Variants in EMC2 observed in about 807,000 individuals in gnomAD.
EMC2 encodes the protein ER membrane protein complex subunit 2, also known as TPR repeat protein 35.
EMC2 carries 37 observed loss-of-function variants against 51.6 expected under a neutral mutation model. The ratio of observed to expected loss-of-function variants is 0.72; its 90% CI spans 0.55 to 0.94. The LOEUF (loss-of-function observed/expected upper bound fraction) is 0.94. Ranked by LOEUF, EMC2 falls within the 40% of genes least tolerant of loss-of-function variation. The probability of loss-of-function intolerance (pLI) is 0.00; values close to 1 mark genes in which losing one functional copy is unlikely to be tolerated. For synonymous variants in EMC2, 131 were observed against 112.4 expected (o/e 1.17, Z -1.04); for missense variants, 359 against 350.9 (o/e 1.02, Z -0.18).
intron 1 of EMC2, among the ~76,000 whole-genome samples, chr8:108,448,425 TGAG>T (rs147219611): frequency 0.021 from 3,255 of 152,228 alleles, 101 homozygotes; most frequent in African/African-American, 0.074. Flanking sequence ...TCCCATGTGT[TGAG>T]GAGGAGACCC....
chr8:108,480,411 G>A (rs539100351), intron 10 of EMC2, among the ~76,000 whole-genome samples: 17 of 152,140 alleles, frequency 1.1e-4, no homozygotes, highest in Non-Finnish European at 2.1e-4. Context: ...TTCTATGGCC[G>A]TCTCCTTTTT....
At position 108,488,358 on chromosome 8, in the gene EMC2, C is replaced by CTAAA. The variant is rs1485833360; in HGVS notation, c.*1760_*1761insTAAA. On this transcript the variant is annotated 3_prime_UTR_variant, in exon 11 of 11. Transcript: ENST00000220853. ...TATTTTTAGTAGAGATGGGGTTTCACCATGTTGGCCAGGCTGGTCTGAAAC... is the reference window on the plus strand; with the variant it reads ...TATTTTTAGTAGAGATGGGGTTTCACTAAACATGTTGGCCAGGCTGGTCTGAAAC... Among the ~76,000 whole-genome samples, 1 of 151,982 alleles carries CTAAA rather than the reference C, an allele frequency of 6.6e-6. No homozygotes were observed. The highest frequency in any genetic ancestry group is 1.5e-5 in the Non-Finnish European group (1 of 67,988).
At chr8:108,483,919 G>A (rs1235750281) in intron 10 of EMC2, among the ~76,000 whole-genome samples, 1 of 151,976 alleles carries the variant, frequency 6.6e-6, no homozygotes, top group Non-Finnish European at 1.5e-5. Context: ...ATATAAACCG[G>A]TATAGAGTAT....
rs749939274 is a variant in EMC2, at chr8:108,451,938, A to G, written c.220-1124A>G. Reference sequence around the variant, plus strand: ...CTTGAATATTTTTCTTAGTGTGGCAAATTTCAGCCACAAACTTTGAAGCTG... The same window carrying G: ...CTTGAATATTTTTCTTAGTGTGGCAGATTTCAGCCACAAACTTTGAAGCTG... On this transcript the variant is annotated intron_variant, in intron 3 of 10. Coordinates refer to ENST00000220853, the MANE Select transcript of EMC2 (RefSeq NM_014673.5). 2.4e-4 allele frequency among the ~76,000 whole-genome samples: 36 copies of G among 152,200 alleles called. 1 individual carries two copies. The highest frequency in any genetic ancestry group is 2.5e-4 in the Non-Finnish European group (17 of 68,026).
intron 10 of EMC2, among the ~76,000 whole-genome samples, chr8:108,482,055 G>A (rs1811052819): frequency 1.3e-5 from 2 of 152,270 alleles, no homozygotes; most frequent in African/African-American, 4.8e-5. Flanking sequence ...ATGGGTCATA[G>A]AATGTATGTA....
chr8:108,465,918 C>T (rs562776344), intron 5 of EMC2, among the ~76,000 whole-genome samples: 7 of 151,878 alleles, frequency 4.6e-5, no homozygotes, highest in African/African-American at 1.7e-4. Flanking sequence ...CAGCTTTCTA[C>T]AGAACAGAGT....
At chr8:108,456,257 T>A (rs1427729439) in intron 5 of EMC2, among the ~76,000 whole-genome samples, 2 of 133,602 alleles carry the variant, frequency 1.5e-5, no homozygotes, top group Non-Finnish European at 3.0e-5. Context: ...CCCTTGAACC[T>A]GGGTGGCAGA....
At chr8:108,484,650 A>T (rs1363992857) in intron 10 of EMC2, among the ~76,000 whole-genome samples, 1 of 151,952 alleles carries the variant, frequency 6.6e-6, no homozygotes, top group Non-Finnish European at 1.5e-5. Flanking sequence ...TTACTATGTG[A>T]TGTCCTATTC....
intron 1 of EMC2, among the ~76,000 whole-genome samples, chr8:108,448,566 G>A (rs181967011): frequency 1.3e-5 from 2 of 152,244 alleles, no homozygotes; most frequent in Non-Finnish European, 2.9e-5. Context: ...TTCTTTGCCT[G>A]CTGCCATCCA....
At chr8:108,467,081 G>T (rs1810737294) in intron 5 of EMC2, among the ~76,000 whole-genome samples, 1 of 152,090 alleles carries the variant, frequency 6.6e-6, no homozygotes, top group African/African-American at 2.4e-5. Context: ...AATTATCACT[G>T]CCTGCTCCTC....
chr8:108,447,058 A>T (rs1418257972), intron 1 of EMC2, among the ~76,000 whole-genome samples: 5 of 152,172 alleles, frequency 3.3e-5, no homozygotes, highest in African/African-American at 9.7e-5. Context: ...TCACAATAAG[A>T]AACACCTTTT....
intron 7 of EMC2, chr8:108,474,297 C>A (rs1810909174): frequency 6.6e-6 from 1 of 151,908 alleles, no homozygotes; most frequent in Admixed American, 6.6e-5. Context: ...TTTTTGGCAT[C>A]ATACTATTAA....
At chr8:108,451,227 A>G (rs958510390) in intron 3 of EMC2, among the ~76,000 whole-genome samples, 2 of 150,482 alleles carry the variant, frequency 1.3e-5, no homozygotes, top group Non-Finnish European at 3.0e-5. Context: ...AAAAAATCAA[A>G]CAAACCTAAT....
At chr8:108,457,323 T>TGTGTGC (rs1160777825) in intron 5 of EMC2, among the ~76,000 whole-genome samples, 1 of 86,068 alleles carries the variant, frequency 1.2e-5, no homozygotes, top group African/African-American at 3.5e-5. Context: ...GGGATGTGCG[T>TGTGTGC]GTGTGTGCGT....
chr8:108,451,476 A>G (rs1012634941), intron 3 of EMC2, among the ~76,000 whole-genome samples: 2 of 152,260 alleles, frequency 1.3e-5, no homozygotes, highest in East Asian at 3.9e-4. Flanking sequence ...ATTTAAACTG[A>G]AAGAAAATAT....
intron 5 of EMC2, among the ~76,000 whole-genome samples, chr8:108,459,360 A>C (rs576343485): frequency 5.3e-5 from 8 of 152,286 alleles, no homozygotes; most frequent in Admixed American, 2.6e-4. Context: ...TTTTCATGCT[A>C]CTGATAAAGA....
chr8:108,484,016 TTAA>T (rs1811091860), intron 10 of EMC2, among the ~76,000 whole-genome samples: 2 of 152,260 alleles, frequency 1.3e-5, no homozygotes, highest in South Asian at 4.1e-4. Flanking sequence ...TTGTTTCCAC[TTAA>T]TGATGAAACA....
intron 4 of EMC2, among the ~76,000 whole-genome samples, chr8:108,454,616 TTAAGAA>T (rs780089174): frequency 9.2e-5 from 14 of 152,134 alleles, no homozygotes; most frequent in African/African-American, 2.4e-4. Flanking sequence ...ATCTGATCGA[TTAAGAA>T]TAAGTAAAAT....
In EMC2 at chr8:108,476,815, G is replaced by T. The variant is rs752382586; in HGVS notation, c.625G>T (p.Glu209Ter). 2 of 1,604,372 alleles carry T rather than the reference G, an allele frequency of 1.2e-6. No homozygotes were observed. Among genetic ancestry groups the T allele is most frequent in the East Asian group, 2.2e-5 (1 of 44,670 alleles). Residue 209 changes from glutamate (E) to a stop codon, truncating the protein, a stop_gained, in exon 9 of 11, where the codon GAA becomes TAA. Transcript: ENST00000220853. LOFTEE classifies it high-confidence loss of function. ...TACCCAAGGTGGACTTGAAAACCTC[G>T]AACTTTCAAGAAAGTATTTTGCACA... ...KYTQGGLENLELSRKYFAQAL... is the reference protein window; with the variant it reads ...KYTQGGLENL
Sources: allele counts gnomAD v4.1 joint callset (sites outside exome capture counted in the v4.1 genomes callset), GRCh38; gene constraint gnomAD v4.1.1; transcripts MANE v1.5; gene names NCBI Gene and HGNC (gene_info 2026-07-23, HGNC 2026-07-21).